The following WBP11 variants were observed in gnomAD, a reference collection of about 807,000 sequenced individuals.
WBP11 encodes the protein WW domain-binding protein 11.
Under a neutral mutation model 66.7 loss-of-function variants are expected in WBP11, and 12 were observed. That is an observed-to-expected ratio of 0.18 (90% CI 0.12 to 0.29). The LOEUF (loss-of-function observed/expected upper bound fraction) is 0.29. WBP11 is among the 10% of genes least tolerant of loss of function. The pLI, the probability that WBP11 is intolerant of heterozygous loss-of-function variation, is 1.00. For missense variants in WBP11, 555 were observed against 818.3 expected (o/e 0.68, Z 3.93); for synonymous variants, 255 against 273.8 (o/e 0.93, Z 0.68).
chr12:14,798,797 A>T (rs1198415866), intron 4 of WBP11, among the ~76,000 whole-genome samples: 1 of 152,148 alleles, frequency 6.6e-6, no homozygotes, highest in Non-Finnish European at 1.5e-5. Context: ...TTAAAATGCT[A>T]TTTTACAAAA....
Position 14,799,711 on chromosome 12 carries a change from C to T in WBP11, c.114G>A (p.Met38Ile). ...RELKKNKKQR[M>I]MVRAAVLKMK... ...TCTTTAAAACTGCAGCTCGAACCAT[C>T]ATGCGCTGTTTTTTGTTCTTAGAAA... Residue 38 changes from methionine to isoleucine, a missense_variant, in exon 4 of 12, where the codon ATG becomes ATA. Met to Ile is a conservative substitution (Grantham distance 10, BLOSUM62 1). Transcript: ENST00000261167. 1 of 1,613,358 alleles carries T rather than the reference C, an allele frequency of 6.2e-7. No individual in the cohort carries two copies. Among genetic ancestry groups the T allele is most frequent in the Non-Finnish European group, 8.5e-7 (1 of 1,179,604 alleles).
At chr12:14,794,039 CAAAAAA>C in intron 7 of WBP11, 117 bp from the exon 8 acceptor site, 4 of 330,836 alleles carry the variant, frequency 1.2e-5, no homozygotes, top group East Asian at 5.7e-5. Flanking sequence ...TAATTCTTAC[CAAAAAA>C]AAAAAAAAAA....
chr12:14,790,556 T>C lies in WBP11; in HGVS notation c.1209A>G (p.Gln403=). The C allele has an allele frequency of 6.2e-7, 1 of 1,614,000 alleles. No individual in the cohort carries two copies. The highest frequency in any genetic ancestry group is 8.5e-7 in the Non-Finnish European group (1 of 1,179,872). The change falls in exon 10 of 12, where the codon CAA becomes CAG. Residue 403 remains glutamine (Q), a synonymous_variant. Transcript: ENST00000261167. The stretch of plus-strand genomic sequence containing the variant: ...GTGGTGGTCCTGGCATGGGAGGTGC[T>C]TGTATCTGAGAAGGAGGAACAGACT... ...PPQSVPPSQI[Q]APPMPGPPPL... is the part of the protein sequence containing the mutation.
chr12:14,787,958 C>T (rs1949773594), intron 11 of WBP11, among the ~76,000 whole-genome samples: 1 of 152,082 alleles, frequency 6.6e-6, no homozygotes, highest in Admixed American at 6.6e-5. Context: ...ATACGGAGGC[C>T]GAGCATGGTG....
Position 14,791,263 on chromosome 12 carries a change from A to G in WBP11, c.921T>C (p.Ser307=). The G allele has an allele frequency of 6.2e-7, 1 of 1,613,928 alleles. No individual in the cohort carries two copies. The highest frequency in any genetic ancestry group is 8.5e-7 in the Non-Finnish European group (1 of 1,179,934). The part of the protein sequence containing the change: ...DNNEEKKSGL[S]VRFADMPGKS... ...TTCCAGGCATATCTGCAAACCGTAC[A>G]CTCAGACCTAAGGGGACAAAGGAGG... The change falls in exon 9 of 12, where the codon AGT becomes AGC. Residue 307 remains serine, a synonymous_variant. Coordinates refer to ENST00000261167, the MANE Select transcript of WBP11 (RefSeq NM_016312.3).
chr12:14,789,141 G>A lies in WBP11; in HGVS notation c.1310-8C>T. 2.0e-6 allele frequency: 3 copies of A among 1,530,106 alleles called. No homozygotes were observed. Among genetic ancestry groups the A allele is most frequent in the Non-Finnish European group, 2.6e-6 (3 of 1,149,368 alleles). 94.8% of individuals were successfully genotyped at this position (1,530,106 alleles called of 1,614,324 possible). On this transcript the variant is annotated splice_polypyrimidine_tract_variant and splice_region_variant and intron_variant, in intron 10 of 11. Coordinates refer to ENST00000261167, the MANE Select transcript of WBP11 (RefSeq NM_016312.3). ...TCAGGAATGGAGGAGCTCCTGAAAA[G>A]AGAAAAATGATAAATTAATGTCACA...
Position 14,796,791 on chromosome 12 carries a change from A to C in WBP11, c.387+16T>G. 6.3e-7 allele frequency: 1 copy of C among 1,577,144 alleles called. No individual in the cohort carries two copies. Among genetic ancestry groups the C allele is most frequent in the Non-Finnish European group, 8.5e-7 (1 of 1,170,502 alleles). On this transcript the variant is annotated intron_variant, in intron 5 of 11. Coordinates refer to ENST00000261167, the MANE Select transcript of WBP11 (RefSeq NM_016312.3). This position sits in a 1 kb window ranked among gnomAD's most constrained non-coding sequence, Gnocchi z 4.5. Reference sequence around the variant, plus strand: ...TAATATTTTAGTTTATCTCTCAAAAAAAAAACCTTGATTACCTTGACAGCA... The same window carrying C: ...TAATATTTTAGTTTATCTCTCAAAACAAAAACCTTGATTACCTTGACAGCA...
At position 14,794,610 on chromosome 12, in the gene WBP11, G is replaced by T. The variant is rs376477587; in HGVS notation, c.648C>A (p.Gly216=). The change falls in exon 7 of 12, where the codon GGC becomes GGA. Residue 216 remains glycine (G), a synonymous_variant. Transcript: ENST00000261167. ...GATCTAGGGCAAAACCCACTTTACGGCCATACATCTGCACGACTTGAGGAG... is the reference window on the plus strand; with the variant it reads ...GATCTAGGGCAAAACCCACTTTACGTCCATACATCTGCACGACTTGAGGAG... ...PPPPQVVQMY[G]RKVGFALDLP... is the part of the protein sequence containing the mutation. The T allele has an allele frequency of 2.5e-5, 41 of 1,613,882 alleles. No individual in the cohort carries two copies. Among genetic ancestry groups the T allele is most frequent in the East Asian group, 2.2e-4 (10 of 44,874 alleles).
In WBP11 at chr12:14,787,136, CAGA is replaced by C; in HGVS notation, c.1852_1854del (p.Ser618del). The C allele has an allele frequency of 6.2e-7, 1 of 1,613,702 alleles. No individual in the cohort carries two copies. Among genetic ancestry groups the C allele is most frequent in the Non-Finnish European group, 8.5e-7 (1 of 1,179,980 alleles). On this transcript the variant is annotated inframe_deletion, in exon 12 of 12. Coordinates refer to ENST00000261167, the MANE Select transcript of WBP11 (RefSeq NM_016312.3). ...TCCTTAGTTTGTACTGAGACAGGAA[CAGA>C]AGGACCAGATTTGGGTGCTGCTTTG...
Position 14,795,113 on chromosome 12 carries a change from G to C in WBP11, c.388-9C>G, listed in dbSNP as rs1283180091. Reference sequence around the variant, plus strand: ...TCCACATGCTGAGCATTCTGAAACAGAGAACCATTCAGTAGTATGATAAAA... The same window carrying C: ...TCCACATGCTGAGCATTCTGAAACACAGAACCATTCAGTAGTATGATAAAA... On this transcript the variant is annotated splice_polypyrimidine_tract_variant and intron_variant, in intron 5 of 11. Coordinates refer to ENST00000261167, the MANE Select transcript of WBP11 (RefSeq NM_016312.3). The C allele has an allele frequency of 1.9e-6, 3 of 1,592,622 alleles. No homozygotes were observed. The highest frequency in any genetic ancestry group is 2.6e-6 in the Non-Finnish European group (3 of 1,171,520).
Position 14,787,348 on chromosome 12 carries a change from T to TCA in WBP11, c.1641_1642dup (p.Asp548ValfsTer37). Reference sequence around the variant, plus strand: ...CTTCTCAATGGTGGCTGCACTTGTATCATCCGCCTTGGGTCGCTGAATCAA... The same window carrying TCA: ...CTTCTCAATGGTGGCTGCACTTGTATCACATCCGCCTTGGGTCGCTGAATCAA... On this transcript the variant is annotated frameshift_variant, in exon 12 of 12. Transcript: ENST00000261167. LOFTEE classifies it high-confidence loss of function. The TCA allele has an allele frequency of 6.2e-7, 1 of 1,613,056 alleles. No individual in the cohort carries two copies. Among genetic ancestry groups the TCA allele is most frequent in the Non-Finnish European group, 8.5e-7 (1 of 1,179,124 alleles).
At chr12:14,791,520 A>C (rs1225222466) in intron 8 of WBP11, among the ~76,000 whole-genome samples, 1 of 152,190 alleles carries the variant, frequency 6.6e-6, no homozygotes, top group Non-Finnish European at 1.5e-5. Context: ...TTGAAGATCT[A>C]CTCCTTAAAG....
chr12:14,794,523 C>G lies in WBP11; in HGVS notation c.721+14G>C, dbSNP rs1376480786. The G allele has an allele frequency of 6.2e-7, 1 of 1,612,660 alleles. No individual in the cohort carries two copies. Among genetic ancestry groups the G allele is most frequent in the Non-Finnish European group, 8.5e-7 (1 of 1,179,820 alleles). ...AATGATAGTTATAAAAGCAAAAGAA[C>G]AGTCACTTCTCACCAAGTTCAGGAC... On this transcript the variant is annotated intron_variant, in intron 7 of 11. Coordinates refer to ENST00000261167, the MANE Select transcript of WBP11 (RefSeq NM_016312.3).
At position 14,794,747 on chromosome 12, in the gene WBP11, A is replaced by AAAAAC; in HGVS notation, c.522-12_522-11insGTTTT. On this transcript the variant is annotated splice_polypyrimidine_tract_variant and intron_variant, in intron 6 of 11. Coordinates refer to ENST00000261167, the MANE Select transcript of WBP11 (RefSeq NM_016312.3). ...GCCCGAGTTGGAGGTCTGTTAAAAAAAAAAACAAAAACAAAAAAACCCCCA... is the reference window on the plus strand; with the variant it reads ...GCCCGAGTTGGAGGTCTGTTAAAAAAAAAACAAAAACAAAAACAAAAAAACCCCCA... 1.3e-6 allele frequency: 2 copies of AAAAAC among 1,538,672 alleles called. No individual in the cohort carries two copies. Among genetic ancestry groups the AAAAAC allele is most frequent in the Non-Finnish European group, 1.7e-6 (2 of 1,148,528 alleles).
intron 7 of WBP11, 38 bp from the exon 8 acceptor site, chr12:14,793,960 T>C (rs377324219): frequency 1.9e-5 from 29 of 1,553,812 alleles, no homozygotes; most frequent in Admixed American, 1.8e-4. Context: ...AGTAGTATGA[T>C]TGGACCCTCC....
intron 4 of WBP11, among the ~76,000 whole-genome samples, chr12:14,798,036 T>C (rs1444726066): frequency 2.6e-5 from 4 of 152,320 alleles, no homozygotes; most frequent in South Asian, 2.1e-4. Context: ...CTAGTCTGTA[T>C]TGAGTTTTAT....
At position 14,803,373 on chromosome 12, in the gene WBP11, C is replaced by G. The variant is rs995895846; in HGVS notation, c.-67G>C. On this transcript the variant is annotated 5_prime_UTR_variant, in exon 1 of 12. Transcript: ENST00000261167. Reference sequence around the variant, plus strand: ...TCACACTTCTGCTGTGCTCCCAGGACTACGAGAAGCGGGTAGGGGGCGACT... The same window carrying G: ...TCACACTTCTGCTGTGCTCCCAGGAGTACGAGAAGCGGGTAGGGGGCGACT... 1 of 398,622 alleles carries G rather than the reference C, an allele frequency of 2.5e-6. No homozygotes were observed. The highest frequency in any genetic ancestry group is 2.1e-5 in the African/African-American group (1 of 48,646). 24.7% of individuals were successfully genotyped at this position (398,622 alleles called of 1,614,324 possible). A position where few individuals can be genotyped will look rare whatever the true frequency, so the allele number is the denominator to read the frequency against.
At chr12:14,795,190 T>C in intron 5 of WBP11, 86 bp from the exon 6 acceptor site, 1 of 1,376,320 alleles carries the variant, frequency 7.3e-7, no homozygotes, top group African/African-American at 1.5e-5. Context: ...GTTTCGTAAC[T>C]TGGACATGCT....
chr12:14,796,319 T>C lies in WBP11; in HGVS notation c.387+488A>G, dbSNP rs543576092. Among the ~76,000 whole-genome samples, 8 of 152,246 alleles carry C rather than the reference T, an allele frequency of 5.3e-5. No individual in the cohort carries two copies. Among genetic ancestry groups the C allele is most frequent in the African/African-American group, 1.9e-4 (8 of 41,464 alleles). ...TGATCCAAGTTTTTGAATTAATTTC[T>C]TCTGTTTAAATAAAGAGGATTAGAT... is the stretch of plus-strand genomic sequence containing the variant. On this transcript the variant is annotated intron_variant, in intron 5 of 11. Coordinates refer to ENST00000261167, the MANE Select transcript of WBP11 (RefSeq NM_016312.3). This position sits in a 1 kb window ranked among gnomAD's most constrained non-coding sequence, Gnocchi z 4.5.
Sources: allele counts gnomAD v4.1 joint callset (sites outside exome capture counted in the v4.1 genomes callset), GRCh38; gene constraint gnomAD v4.1.1; non-coding constraint Gnocchi (gnomAD v3.1); transcripts MANE v1.5; gene names NCBI Gene and HGNC (gene_info 2026-07-23, HGNC 2026-07-21).